Variants in BLTP1 observed in about 807,000 individuals in gnomAD.
The protein encoded by BLTP1 is bridge-like lipid transfer protein family member 1, also known as fragile site-associated protein.
the BLTP1 span, chr4:122,224,044 G>A: frequency 1.0e-6 from 1 of 979,290 alleles, no homozygotes; most frequent in Middle Eastern, 5.2e-4. Context: ...ATAGTCCTCA[G>A]AATCTATATG....
At chr4:122,208,619 T>C in the BLTP1 span, 1 of 983,286 alleles carries the variant, frequency 1.0e-6, no homozygotes. Flanking sequence ...TGGATACCCA[T>C]GGAAGACATT....
At chr4:122,243,741 A>G in the BLTP1 span, 1 of 1,286,694 alleles carries the variant, frequency 7.8e-7, no homozygotes. Flanking sequence ...AGTCAAGTCC[A>G]ATTCCATAAA....
At chr4:122,171,812 ATAAC>A in the BLTP1 span, 6 of 984,570 alleles carry the variant, frequency 6.1e-6, no homozygotes, top group Non-Finnish European at 6.0e-6. Flanking sequence ...AAAAACAACA[ATAAC>A]AAGCAGAAAA....
At chr4:122,358,665 G>A in the BLTP1 span, among the ~76,000 whole-genome samples, 133 of 152,220 alleles carry the variant, frequency 8.7e-4, 1 homozygote, top group Middle Eastern at 0.014. Context: ...TACGTAGTGC[G>A]TTACTATGGC....
chr4:122,207,632 T>G, the BLTP1 span: 1 of 1,594,778 alleles, frequency 6.3e-7, no homozygotes, highest in South Asian at 1.1e-5. Context: ...CCAAGTTCTC[T>G]TTAAGAGTAT....
the BLTP1 span, chr4:122,247,546 G>A: frequency 9.6e-7 from 1 of 1,041,958 alleles, no homozygotes; most frequent in Non-Finnish European, 1.3e-6. Flanking sequence ...GTACAGAATA[G>A]AAAATAAACT....
At chr4:122,228,667 A>C in the BLTP1 span, among the ~76,000 whole-genome samples, 8 of 152,076 alleles carry the variant, frequency 5.3e-5, no homozygotes, top group Admixed American at 5.2e-4. Flanking sequence ...TTTTAGGAGT[A>C]AAATAAAATT....
the BLTP1 span, chr4:122,235,379 T>C: frequency 3.0e-6 from 3 of 984,534 alleles, no homozygotes; most frequent in Non-Finnish European, 3.6e-6. Flanking sequence ...TTTCACCAGC[T>C]TGCTTTTATA....
the BLTP1 span, among the ~76,000 whole-genome samples, chr4:122,230,796 T>G: frequency 6.6e-6 from 1 of 152,184 alleles, no homozygotes; most frequent in Non-Finnish European, 1.5e-5. Context: ...TAATATGTGC[T>G]AATTCTAGAA....
chr4:122,255,544 G>T, the BLTP1 span, among the ~76,000 whole-genome samples: 1 of 152,186 alleles, frequency 6.6e-6, no homozygotes, highest in Non-Finnish European at 1.5e-5. Flanking sequence ...TACTTGGGAG[G>T]CTGAGGCAGG....
At chr4:122,265,172 C>G in the BLTP1 span, among the ~76,000 whole-genome samples, 5 of 152,116 alleles carry the variant, frequency 3.3e-5, no homozygotes, top group African/African-American at 1.2e-4. Flanking sequence ...CCCTACCCAC[C>G]CTCTGATCCG....
chr4:122,152,529 C>T, the BLTP1 span: 2 of 985,802 alleles, frequency 2.0e-6, no homozygotes, highest in African/African-American at 3.5e-5. Context: ...CCAAGGCCCT[C>T]GGCGTTCCCC....
the BLTP1 span, chr4:122,245,006 T>C: frequency 1.9e-6 from 3 of 1,602,246 alleles, no homozygotes; most frequent in Non-Finnish European, 2.6e-6. Flanking sequence ...TCATTTACTG[T>C]TTTTTCCCCT....
At chr4:122,345,786 A>G in the BLTP1 span, among the ~76,000 whole-genome samples, 1 of 152,094 alleles carries the variant, frequency 6.6e-6, no homozygotes, top group Non-Finnish European at 1.5e-5. Flanking sequence ...GCAATAGTAG[A>G]TGAGAGCATG....
chr4:122,187,695 T>A, the BLTP1 span: 1 of 457,682 alleles, frequency 2.2e-6, no homozygotes. Flanking sequence ...AATTTGTGTT[T>A]AAATTTCTTT....
the BLTP1 span, among the ~76,000 whole-genome samples, chr4:122,248,839 G>C: frequency 6.6e-6 from 1 of 152,028 alleles, no homozygotes; most frequent in Non-Finnish European, 1.5e-5. Context: ...CTAGAGTGCA[G>C]TGTACTTCAA....
At chr4:122,272,532 A>G in the BLTP1 span, 1 of 711,078 alleles carries the variant, frequency 1.4e-6, no homozygotes, top group Non-Finnish European at 2.3e-6. Context: ...GAAAAACTGG[A>G]CTTCCCAAAT....
chr4:122,239,666 C>G, the BLTP1 span: 8 of 1,613,906 alleles, frequency 5.0e-6, no homozygotes, highest in Admixed American at 1.0e-4. Context: ...CTGCTGCTTT[C>G]TATGGGGACA....
chr4:122,202,709 A>G, the BLTP1 span: 222 of 162,080 alleles, frequency 1.4e-3, 2 homozygotes, highest in Non-Finnish European at 2.4e-3. Context: ...TGCAGTAGAC[A>G]TATACATTCT....
Sources: gnomAD v4.1 joint callset for allele counts (sites outside exome capture counted in the v4.1 genomes callset) on GRCh38, gnomAD v4.1.1 for gene constraint, MANE v1.5 for transcripts, NCBI Gene and HGNC (gene_info 2026-07-23, HGNC 2026-07-21) for gene names.